The following RBM19 variants were observed in gnomAD, a reference collection of about 807,000 sequenced individuals.
The protein encoded by RBM19 is probable RNA-binding protein 19.
Under a neutral mutation model 116.8 loss-of-function variants are expected in RBM19, and 94 were observed. The ratio of observed to expected loss-of-function variants is 0.80; its 90% confidence interval spans 0.68 to 0.95. RBM19 has a LOEUF of 0.95. Ranked by LOEUF, RBM19 falls within the 40% of genes least tolerant of loss-of-function variation. The probability of loss-of-function intolerance (pLI) is 0.00; values close to 1 mark genes in which losing one functional copy is unlikely to be tolerated. For synonymous variants in RBM19, 475 were observed against 494.1 expected (o/e 0.96, Z 0.51); for missense variants, 1,161 against 1,220.7 (o/e 0.95, Z 0.73).
chr12:113,837,254 C>CACAT (rs2135705779), intron 23 of RBM19, among the ~76,000 whole-genome samples: 1 of 151,008 alleles, frequency 6.6e-6, no homozygotes, highest in South Asian at 2.1e-4. Context: ...AATACACACA[C>CACAT]ACACACACAC....
In RBM19 at chr12:113,922,614, C is replaced by CT. The variant is rs200578515; in HGVS notation, c.2306-1925dup. Among the ~76,000 whole-genome samples the CT allele has an allele frequency of 3.3e-3, 472 of 143,272 alleles. 3 individuals are homozygous for CT. The highest frequency in any genetic ancestry group is 0.027 in the Middle Eastern group (7 of 260). 94.0% of individuals were successfully genotyped at this position (143,272 alleles called of 152,430 possible). On this transcript the variant is annotated intron_variant, in intron 18 of 23. Transcript: ENST00000261741. ...CCCCCATCCTGGACTTCAGCAATAA[C>CT]TTTTTTTTTTTTTTTTCCTGAAATC...
chr12:113,870,446 C>T (rs115942324), intron 21 of RBM19, among the ~76,000 whole-genome samples: 4,277 of 152,266 alleles, frequency 0.028, 196 homozygotes, highest in African/African-American at 0.098. Context: ...CAGATGGCCT[C>T]GGGTTGCCTT....
rs376676421 is a variant in RBM19 at position 113,883,353 on chromosome 12, CT to C, written c.2559-24458del. The stretch of plus-strand genomic sequence containing the variant: ...TGCTGTCTAGTGCAGACAGAACCCT[CT>C]TTGATGCCACATGTGGGTCAGGGTG... On this transcript the variant is annotated intron_variant, in intron 21 of 23. Transcript: ENST00000261741. Among the ~76,000 whole-genome samples the C allele has an allele frequency of 1.7e-4, 26 of 152,354 alleles. No individual in the cohort carries two copies. In the East Asian group the frequency reaches 1.9e-3, roughly 11 times the overall value.
chr12:113,915,152 C>T, intron 20 of RBM19, 67 bp from the exon 21 acceptor site: 1 of 1,217,430 alleles, frequency 8.2e-7, no homozygotes, highest in Non-Finnish European at 1.2e-6. Context: ...AACATTGACT[C>T]CACTACGCCT....
chr12:113,845,090 C>T (rs1324735524), intron 22 of RBM19, among the ~76,000 whole-genome samples: 5 of 152,144 alleles, frequency 3.3e-5, no homozygotes, highest in Admixed American at 1.3e-4. Context: ...CTGTGGAGGG[C>T]GACCCCATTA....
rs1004412547 is a variant in RBM19 at position 113,898,234 on chromosome 12, T to C, written c.2558+16735A>G. On this transcript the variant is annotated intron_variant, in intron 21 of 23. Transcript: ENST00000261741. This position sits in a 1 kb window ranked among gnomAD's most constrained non-coding sequence, Gnocchi z 4.3. ...GGGTGGAGAGGATTTGCTCTTTTTG[T>C]AGGACAATTTCAGGTTTTTCTGTTT... is the stretch of plus-strand genomic sequence containing the variant. Among the ~76,000 whole-genome samples the C allele has an allele frequency of 6.6e-6, 1 of 152,198 alleles. No individual in the cohort carries two copies.
At chr12:113,932,051 T>G (rs1250128591) in intron 16 of RBM19, among the ~76,000 whole-genome samples, 3 of 152,234 alleles carry the variant, frequency 2.0e-5, no homozygotes, top group Non-Finnish European at 4.4e-5. Flanking sequence ...GCACTCAGCA[T>G]GTGCCTAGAA....
At chr12:113,926,368 A>C (rs1050635972) in intron 17 of RBM19, among the ~76,000 whole-genome samples, 1 of 152,176 alleles carries the variant, frequency 6.6e-6, no homozygotes, top group Non-Finnish European at 1.5e-5. Context: ...AAAACAGAAC[A>C]AAAAACTGAA....
chr12:113,861,291 T>C (rs1878345790), intron 21 of RBM19, among the ~76,000 whole-genome samples: 1 of 152,198 alleles, frequency 6.6e-6, no homozygotes, highest in Non-Finnish European at 1.5e-5. Flanking sequence ...AGGAATGCCC[T>C]GTGTGGACTC....
chr12:113,927,109 C>A lies in RBM19; in HGVS notation c.2189G>T (p.Cys730Phe). 8 of 1,613,614 alleles carry A rather than the reference C, an allele frequency of 5.0e-6. No homozygotes were observed. Among genetic ancestry groups the A allele is most frequent in the Non-Finnish European group, 6.8e-6 (8 of 1,180,008 alleles). Residue 730 changes from cysteine to phenylalanine, a missense_variant, in exon 17 of 24, where the codon TGT (cysteine) becomes TTT (phenylalanine). Cys to Phe is a radical substitution (Grantham distance 205). Transcript: ENST00000261741. ...EEEEEESLPG[C>F]TLFIKNLNFD... ...ATTGAGATTCTTAATAAACAGAGTACATCCTGGGAGGCTCTCTTCTTCTTC... is the reference window on the plus strand; with the variant it reads ...ATTGAGATTCTTAATAAACAGAGTAAATCCTGGGAGGCTCTCTTCTTCTTC...
intron 21 of RBM19, among the ~76,000 whole-genome samples, chr12:113,862,269 G>C (rs1456126824): frequency 6.6e-6 from 1 of 152,156 alleles, no homozygotes; most frequent in Non-Finnish European, 1.5e-5. Context: ...GAAGAAAAGC[G>C]ACTTGCCCAT....
rs76451737 is a variant in RBM19, at chr12:113,896,956, T to C, written c.2558+18013A>G. ...TGACAGTAGCAGTTTACACCATCTC[T>C]GACAGATGTGGCTGTTTTTCCTCAG... On this transcript the variant is annotated intron_variant, in intron 21 of 23. Transcript: ENST00000261741. Among the ~76,000 whole-genome samples, 89 of 152,324 alleles carry C rather than the reference T, an allele frequency of 5.8e-4. 1 individual carries two copies. The East Asian group carries it at 0.016, about 27-fold the overall frequency.
intron 6 of RBM19, 112 bp downstream of exon 6, chr12:113,957,670 C>T (rs1461384136): frequency 2.1e-6 from 3 of 1,430,216 alleles, no homozygotes; most frequent in Non-Finnish European, 2.7e-6. Flanking sequence ...CTTTGGACTG[C>T]AGAGCTGCGT....
At chr12:113,866,394 C>G (rs1174577327) in intron 21 of RBM19, among the ~76,000 whole-genome samples, 1 of 152,174 alleles carries the variant, frequency 6.6e-6, no homozygotes, top group Non-Finnish European at 1.5e-5. Context: ...ATGACCCTCT[C>G]TCATTTTCTA....
At chr12:113,917,718 C>T (rs566217471) in intron 20 of RBM19, among the ~76,000 whole-genome samples, 3 of 152,300 alleles carry the variant, frequency 2.0e-5, no homozygotes, top group South Asian at 2.1e-4. Flanking sequence ...TTTTATCACC[C>T]GATGCAAGTA....
intron 21 of RBM19, among the ~76,000 whole-genome samples, chr12:113,872,850 G>A (rs1879366396): frequency 9.8e-6 from 1 of 102,024 alleles, no homozygotes; most frequent in Admixed American, 8.7e-5. Context: ...CCCTCTGCCC[G>A]GCCAGCCGCC....
intron 21 of RBM19, among the ~76,000 whole-genome samples, chr12:113,872,333 C>T (rs1416130749): frequency 1.0e-4 from 15 of 149,500 alleles, no homozygotes; most frequent in East Asian, 4.2e-4. Flanking sequence ...GCCCGGCAGC[C>T]GCCCCGTCTG....
chr12:113,823,057 C>A lies in RBM19; in HGVS notation c.*167G>T, dbSNP rs1479366281. ...GATGCCTGGGCCGCTGGGCAGTGGCCTGAGGCCTTCCTCATCCCCTGTCTC... is the reference window on the plus strand; with the variant it reads ...GATGCCTGGGCCGCTGGGCAGTGGCATGAGGCCTTCCTCATCCCCTGTCTC... On this transcript the variant is annotated 3_prime_UTR_variant, in exon 24 of 24. Coordinates refer to ENST00000261741, the MANE Select transcript of RBM19 (RefSeq NM_016196.4). The A allele has an allele frequency of 3.1e-6, 2 of 635,572 alleles. No homozygotes were observed. Among genetic ancestry groups the A allele is most frequent in the African/African-American group, 3.7e-5 (2 of 54,368 alleles). 39.4% of individuals were successfully genotyped at this position (635,572 alleles called of 1,614,324 possible).
intron 21 of RBM19, among the ~76,000 whole-genome samples, chr12:113,872,705 G>GA (rs1335478790): frequency 1.1e-4 from 1 of 8,982 alleles, no homozygotes; most frequent in African/African-American, 4.5e-4. Context: ...GAGGTGGGGG[G>GA]TCAGCCCCCC....
Sources: gnomAD v4.1 joint callset for allele counts (sites outside exome capture counted in the v4.1 genomes callset) on GRCh38, gnomAD v4.1.1 for gene constraint, Gnocchi (gnomAD v3.1) non-coding constraint, MANE v1.5 for transcripts, NCBI Gene and HGNC (gene_info 2026-07-23, HGNC 2026-07-21) for gene names.